The following CCDC80 variants were observed in gnomAD, a reference collection of about 807,000 sequenced individuals.
CCDC80 encodes coiled-coil domain-containing protein 80.
CCDC80 carries 49 observed loss-of-function variants against 78.7 expected under a neutral mutation model. That is an observed-to-expected ratio of 0.62 (90% confidence interval 0.50 to 0.79). CCDC80 has a LOEUF of 0.79. Among genes scored for constraint, CCDC80 ranks in the 30% least tolerant of loss-of-function variants. The pLI, the probability that CCDC80 is intolerant of heterozygous loss-of-function variation, is 0.00. For missense variants in CCDC80, 1,205 were observed against 1,198.6 expected, an observed-to-expected ratio of 1.01 and a Z score of -0.08; for synonymous variants, 488 against 447.0, an observed-to-expected ratio of 1.09 and a Z score of -1.16.
intron 4 of CCDC80, 127 bp downstream of exon 4, chr3:112,618,841 T>G: frequency 9.9e-7 from 1 of 1,012,860 alleles, no homozygotes. Context: ...ATTTGGCCCA[T>G]CTCAAAACTT....
At position 112,600,606 on chromosome 3, in the gene CCDC80, A is replaced by G. The variant is rs1935357199; in HGVS notation, c.*4811T>C. The G allele has an allele frequency of 6.6e-6, 1 of 152,054 alleles. No individual in the cohort carries two copies. The highest frequency in any genetic ancestry group is 2.4e-5 in the African/African-American group (1 of 41,368). 9.4% of individuals were successfully genotyped at this position (152,054 alleles called of 1,614,324 possible). A position where few individuals can be genotyped will look rare whatever the true frequency, so the allele number is the denominator to read the frequency against. Reference sequence around the variant, plus strand: ...AGCCTCGACCTCCTAGGCTCAAGCGATTCTCTCACTTCAGCCTCCTGAATA... The same window carrying G: ...AGCCTCGACCTCCTAGGCTCAAGCGGTTCTCTCACTTCAGCCTCCTGAATA... On this transcript the variant is annotated 3_prime_UTR_variant, in exon 8 of 8. Transcript: ENST00000206423.
At position 112,630,201 on chromosome 3, in the gene CCDC80, G is replaced by A; in HGVS notation, c.1947C>T (p.Phe649=). 1 of 1,613,950 alleles carries A rather than the reference G, an allele frequency of 6.2e-7. No homozygotes were observed. Among genetic ancestry groups the A allele is most frequent in the Non-Finnish European group, 8.5e-7 (1 of 1,179,856 alleles). ...VQQRDEYLES[F]CKMATRKISV... is the part of the protein sequence containing the mutation. The stretch of plus-strand genomic sequence containing the variant: ...AGATTTTCCTGGTAGCCATCTTGCA[G>A]AAACTTTCCAGATATTCATCACGTT... The change falls in exon 3 of 8, where the codon TTC becomes TTT. Residue 649 remains phenylalanine, a synonymous_variant. Transcript: ENST00000206423.
chr3:112,618,093 G>C (rs1221496547), intron 4 of CCDC80, among the ~76,000 whole-genome samples: 1 of 152,186 alleles, frequency 6.6e-6, no homozygotes. Context: ...GATTGCAAAG[G>C]GTTGAAGAAA....
At position 112,603,961 on chromosome 3, in the gene CCDC80, TG is replaced by T. The variant is rs765694510; in HGVS notation, c.*1455del. ...CCCAAGACTTCATTGGAGGAAGCTCTGCTATAGACATAGTGGAAATAGCAAG... is the reference window on the plus strand; with the variant it reads ...CCCAAGACTTCATTGGAGGAAGCTCTCTATAGACATAGTGGAAATAGCAAG... On this transcript the variant is annotated 3_prime_UTR_variant, in exon 8 of 8. Transcript: ENST00000206423. The T allele has an allele frequency of 3.3e-5, 5 of 152,222 alleles. No individual in the cohort carries two copies. The highest frequency in any genetic ancestry group is 7.3e-5 in the Non-Finnish European group (5 of 68,042). The allele number at this position is 152,222 out of a possible 1,614,324, so 9.4% of individuals were successfully genotyped here.
intron 6 of CCDC80, among the ~76,000 whole-genome samples, chr3:112,609,528 G>A (rs771760326): frequency 6.6e-6 from 1 of 152,020 alleles, no homozygotes; most frequent in African/African-American, 2.4e-5. Context: ...TTTAAGAGAA[G>A]GGCAATATAG....
rs1160213145 is a variant in CCDC80, at chr3:112,597,215, CTAAT to C, written c.*8198_*8201del. 1 of 152,168 alleles carries C rather than the reference CTAAT, an allele frequency of 6.6e-6. No individual in the cohort carries two copies. Among genetic ancestry groups the C allele is most frequent in the Non-Finnish European group, 1.5e-5 (1 of 68,034 alleles). 9.4% of individuals were successfully genotyped at this position (152,168 alleles called of 1,614,324 possible). ...AGAGATTATGACAGTGTTTTCTGGT[CTAAT>C]TAAACCATAGTCTTCATATACCTTT... is the stretch of plus-strand genomic sequence containing the variant. On this transcript the variant is annotated 3_prime_UTR_variant, in exon 8 of 8. Coordinates refer to ENST00000206423, the MANE Select transcript of CCDC80 (RefSeq NM_199511.3).
intron 5 of CCDC80, among the ~76,000 whole-genome samples, chr3:112,615,245 A>G (rs1384253619): frequency 6.6e-6 from 1 of 152,190 alleles, no homozygotes; most frequent in Non-Finnish European, 1.5e-5. Context: ...CGGTTTATCC[A>G]CTTACTAATC....
At position 112,598,685 on chromosome 3, in the gene CCDC80, T is replaced by C. The variant is rs1935326137; in HGVS notation, c.*6732A>G. The stretch of plus-strand genomic sequence containing the variant: ...CCCAGTTTGTCCAAGCTTTAGGATA[T>C]TAGAGAGATTACGCATTTGTGGTCT... On this transcript the variant is annotated 3_prime_UTR_variant, in exon 8 of 8. Coordinates refer to ENST00000206423, the MANE Select transcript of CCDC80 (RefSeq NM_199511.3). 1 of 152,218 alleles carries C rather than the reference T, an allele frequency of 6.6e-6. No individual in the cohort carries two copies. Among genetic ancestry groups the C allele is most frequent in the African/African-American group, 2.4e-5 (1 of 41,444 alleles). The allele number at this position is 152,218 out of a possible 1,614,324, so 9.4% of individuals were successfully genotyped here. A position where few individuals can be genotyped will look rare whatever the true frequency, so the allele number is the denominator to read the frequency against.
At chr3:112,615,944 T>C (rs1935730649) in intron 5 of CCDC80, among the ~76,000 whole-genome samples, 5 of 152,234 alleles carry the variant, frequency 3.3e-5, no homozygotes, top group Admixed American at 3.3e-4. Context: ...GGGGCTGCTC[T>C]GTCTATGGAG....
At position 112,598,306 on chromosome 3, in the gene CCDC80, C is replaced by G. The variant is rs1408595336; in HGVS notation, c.*7111G>C. 6.6e-6 allele frequency: 1 copy of G among 152,232 alleles called. No homozygotes were observed. Among genetic ancestry groups the G allele is most frequent in the Non-Finnish European group, 1.5e-5 (1 of 68,054 alleles). The allele number at this position is 152,232 out of a possible 1,614,324, so 9.4% of individuals were successfully genotyped here. ...TGGTTTCCCAAGGTGTTCCCTACCTCTCTTTTTCTTGGATATCTTTTTGCA... is the reference window on the plus strand; with the variant it reads ...TGGTTTCCCAAGGTGTTCCCTACCTGTCTTTTTCTTGGATATCTTTTTGCA... On this transcript the variant is annotated 3_prime_UTR_variant, in exon 8 of 8. Transcript: ENST00000206423.
rs1346031758 is a variant in CCDC80, at chr3:112,610,101, C to CA, written c.2322-21dup. 1 of 1,582,966 alleles carries CA rather than the reference C, an allele frequency of 6.3e-7. No homozygotes were observed. The highest frequency in any genetic ancestry group is 8.7e-7 in the Non-Finnish European group (1 of 1,152,062). ...CGGAACCTGGAAAAAAAAAGCAGGACACCATTACTGCTTACTGCTTCAAAC... is the reference window on the plus strand; with the variant it reads ...CGGAACCTGGAAAAAAAAAGCAGGACAACCATTACTGCTTACTGCTTCAAAC... On this transcript the variant is annotated intron_variant, in intron 5 of 7. Transcript: ENST00000206423.
chr3:112,612,761 TTCAGGGTCTGG>T (rs1313863186), intron 5 of CCDC80, among the ~76,000 whole-genome samples: 78 of 152,260 alleles, frequency 5.1e-4, no homozygotes, highest in Admixed American at 4.6e-4. Flanking sequence ...CTAGACTGGC[TTCAGGGTCTGG>T]TCAGCTGAAA....
intron 2 of CCDC80, among the ~76,000 whole-genome samples, chr3:112,636,212 T>G (rs1298540267): frequency 6.6e-6 from 1 of 152,164 alleles, no homozygotes; most frequent in Non-Finnish European, 1.5e-5. Context: ...GAGAGAGCAG[T>G]TTGCCCCCAC....
In CCDC80 at chr3:112,638,866, G is replaced by C. The variant is rs772496790; in HGVS notation, c.1040C>G (p.Thr347Ser). ...TAPALPQPPS[T>S]PRATTLPPAP... ...AGGAGGAAGGGTGGTGGCTCTGGGGGTTGAGGGAGGTTGGGGCAAAGCTGG... is the reference window on the plus strand; with the variant it reads ...AGGAGGAAGGGTGGTGGCTCTGGGGCTTGAGGGAGGTTGGGGCAAAGCTGG... Residue 347 changes from threonine to serine, a missense_variant, in exon 2 of 8, where the codon ACC (threonine) becomes AGC (serine). Coordinates refer to ENST00000206423, the MANE Select transcript of CCDC80 (RefSeq NM_199511.3). 1 of 1,613,664 alleles carries C rather than the reference G, an allele frequency of 6.2e-7. No homozygotes were observed. The highest frequency in any genetic ancestry group is 1.1e-5 in the South Asian group (1 of 91,074).
At chr3:112,607,881 T>C (rs1370064487) in intron 6 of CCDC80, among the ~76,000 whole-genome samples, 1 of 152,218 alleles carries the variant, frequency 6.6e-6, no homozygotes, top group African/African-American at 2.4e-5. Flanking sequence ...TTAGGATAAC[T>C]TAACTTTCAG....
chr3:112,638,432 G>C lies in CCDC80; in HGVS notation c.1474C>G (p.Pro492Ala), dbSNP rs1045851177. 2 of 1,612,604 alleles carry C rather than the reference G, an allele frequency of 1.2e-6. No individual in the cohort carries two copies. The highest frequency in any genetic ancestry group is 1.7e-6 in the Non-Finnish European group (2 of 1,179,860). ...TTGTCCTGGGCCTTCTTTTTGGGAG[G>C]TTTCTCCTTTGCTGGCTTGGGAGGA... ...PGPPKPAKEK[P>A]PKKKAQDKIL... The change falls in exon 2 of 8, where the codon CCT (proline) becomes GCT (alanine). Residue 492 changes from proline (P) to alanine (A), a missense_variant. By Grantham distance (27) the Pro-to-Ala change is conservative (BLOSUM62 -1). Coordinates refer to ENST00000206423, the MANE Select transcript of CCDC80 (RefSeq NM_199511.3).
chr3:112,597,659 C>T lies in CCDC80; in HGVS notation c.*7758G>A, dbSNP rs1935304215. 1.3e-5 allele frequency: 2 copies of T among 152,014 alleles called. No homozygotes were observed. The allele number at this position is 152,014 out of a possible 1,614,324, so 9.4% of individuals were successfully genotyped here. A position where few individuals can be genotyped will look rare whatever the true frequency, so the allele number is the denominator to read the frequency against. On this transcript the variant is annotated 3_prime_UTR_variant, in exon 8 of 8. Coordinates refer to ENST00000206423, the MANE Select transcript of CCDC80 (RefSeq NM_199511.3). ...GAAACTGTGCCTGAACTGTGAGTATCCAGAAGCCATTGACCATGTTAATGG... is the reference window on the plus strand; with the variant it reads ...GAAACTGTGCCTGAACTGTGAGTATTCAGAAGCCATTGACCATGTTAATGG...
At chr3:112,625,811 G>A (rs1467145281) in intron 3 of CCDC80, among the ~76,000 whole-genome samples, 1 of 152,078 alleles carries the variant, frequency 6.6e-6, no homozygotes, top group Non-Finnish European at 1.5e-5. Flanking sequence ...TACAAGACTT[G>A]TCTGTGTACA....
chr3:112,615,825 C>T (rs1354183142), intron 5 of CCDC80, among the ~76,000 whole-genome samples: 7 of 152,116 alleles, frequency 4.6e-5, no homozygotes, highest in South Asian at 2.1e-4. Flanking sequence ...GCCATGGCAA[C>T]GTCAGGAAGT....
Sources: allele counts gnomAD v4.1 joint callset (sites outside exome capture counted in the v4.1 genomes callset), GRCh38; gene constraint gnomAD v4.1.1; transcripts MANE v1.5; gene names NCBI Gene and HGNC (gene_info 2026-07-23, HGNC 2026-07-21).